The following GALNT13 variants were observed in gnomAD, a reference collection of about 807,000 sequenced individuals.
The protein encoded by GALNT13 is polypeptide N-acetylgalactosaminyltransferase 13.
GALNT13 carries 28 observed loss-of-function variants against 64.2 expected under a neutral mutation model. The observed-to-expected ratio is 0.44, with a 90% confidence interval of 0.32 to 0.60. GALNT13 has a LOEUF of 0.60. Among genes scored for constraint, GALNT13 ranks in the 20% least tolerant of loss-of-function variants. GALNT13 has a pLI of 0.05. For synonymous variants in GALNT13, 214 were observed against 224.6 expected, an observed-to-expected ratio of 0.95 and a Z score of 0.42; for missense variants, 577 against 669.8, an observed-to-expected ratio of 0.86 and a Z score of 1.53.
At chr2:154,320,422 CA>C (rs1426670205) in intron 9 of GALNT13, among the ~76,000 whole-genome samples, 6 of 152,060 alleles carry the variant, frequency 3.9e-5, no homozygotes, top group Non-Finnish European at 1.5e-5. Context: ...AGAAAGTAAG[CA>C]ATTAATTGAT....
chr2:154,262,481 TCTAC>T (rs1191124135), intron 8 of GALNT13, among the ~76,000 whole-genome samples: 2 of 152,192 alleles, frequency 1.3e-5, no homozygotes, highest in African/African-American at 4.8e-5. Flanking sequence ...ATCAGGTATA[TCTAC>T]CAGAGAACAG....
the GALNT13 span, among the ~76,000 whole-genome samples, chr2:153,309,807 C>T: frequency 6.6e-6 from 1 of 151,870 alleles, no homozygotes; most frequent in Non-Finnish European, 1.5e-5. Context: ...AAGCATATAC[C>T]TAGGTAAATA....
At chr2:154,147,652 A>T (rs1683696987) in intron 4 of GALNT13, among the ~76,000 whole-genome samples, 1 of 151,830 alleles carries the variant, frequency 6.6e-6, no homozygotes, top group African/African-American at 2.4e-5. Flanking sequence ...CCTGGCTACT[A>T]TTTTATTTAT....
At chr2:153,479,945 T>A in the GALNT13 span, among the ~76,000 whole-genome samples, 4 of 152,160 alleles carry the variant, frequency 2.6e-5, no homozygotes, top group Non-Finnish European at 5.9e-5. Flanking sequence ...CTCCCTGCCT[T>A]CCTCCCTCTT....
chr2:153,564,181 C>T, the GALNT13 span, among the ~76,000 whole-genome samples: 761 of 148,910 alleles, frequency 5.1e-3, 3 homozygotes, highest in African/African-American at 0.018. Context: ...TTGCAGATGT[C>T]CATGGATTTT....
At chr2:154,364,893 A>T (rs1445395429) in intron 9 of GALNT13, among the ~76,000 whole-genome samples, 1 of 151,662 alleles carries the variant, frequency 6.6e-6, no homozygotes. Context: ...CTGGTCTTGA[A>T]CTCCTGACCT....
At chr2:154,094,401 C>T (rs1340835224) in intron 3 of GALNT13, among the ~76,000 whole-genome samples, 1 of 151,888 alleles carries the variant, frequency 6.6e-6, no homozygotes, top group Non-Finnish European at 1.5e-5. Flanking sequence ...ACTCCAAACT[C>T]TTATGGTTAC....
chr2:153,207,407 C>A, the GALNT13 span, among the ~76,000 whole-genome samples: 3 of 152,068 alleles, frequency 2.0e-5, no homozygotes, highest in Admixed American at 6.6e-5. Context: ...GTTCTTTCAT[C>A]AGAATATGTA....
At chr2:153,492,058 A>C in the GALNT13 span, among the ~76,000 whole-genome samples, 9 of 152,256 alleles carry the variant, frequency 5.9e-5, no homozygotes, top group Non-Finnish European at 8.8e-5. Flanking sequence ...AAAATGGCAA[A>C]CTACACATAA....
At chr2:153,362,553 C>CAAAAAAAAAAAAAAAAAAA in the GALNT13 span, among the ~76,000 whole-genome samples, 4 of 80,320 alleles carry the variant, frequency 5.0e-5, 1 homozygote, top group Middle Eastern at 8.9e-3. Context: ...AAATGGAGAG[C>CAAAAAAAAAAAAAAAAAAA]AAAAAAAAAA....
At chr2:153,508,964 C>T in the GALNT13 span, among the ~76,000 whole-genome samples, 1 of 152,120 alleles carries the variant, frequency 6.6e-6, no homozygotes, top group South Asian at 2.1e-4. Flanking sequence ...TGGAGTCCTG[C>T]GAAGGTGAAA....
At chr2:153,401,307 C>T in the GALNT13 span, among the ~76,000 whole-genome samples, 1 of 151,714 alleles carries the variant, frequency 6.6e-6, no homozygotes, top group African/African-American at 2.4e-5. Flanking sequence ...GTTATAATTT[C>T]TGTTCTTTTA....
At chr2:153,453,887 T>C in the GALNT13 span, among the ~76,000 whole-genome samples, 2 of 152,158 alleles carry the variant, frequency 1.3e-5, no homozygotes, top group Admixed American at 6.5e-5. Flanking sequence ...CAACAGTGGA[T>C]TGGATGAAGA....
intron 9 of GALNT13, among the ~76,000 whole-genome samples, chr2:154,314,890 A>G (rs1378049862): frequency 6.6e-6 from 1 of 152,134 alleles, no homozygotes; most frequent in Non-Finnish European, 1.5e-5. Context: ...CTGGATTCCA[A>G]TGTTGAAACA....
At chr2:153,651,821 A>G in the GALNT13 span, among the ~76,000 whole-genome samples, 1 of 152,206 alleles carries the variant, frequency 6.6e-6, no homozygotes, top group African/African-American at 2.4e-5. Flanking sequence ...AAAATGTATC[A>G]GGTGATGATC....
At chr2:153,224,748 GA>G in the GALNT13 span, among the ~76,000 whole-genome samples, 3 of 152,136 alleles carry the variant, frequency 2.0e-5, no homozygotes, top group African/African-American at 7.2e-5. Context: ...TGATAACTTA[GA>G]TGAAATGAAG....
chr2:153,285,117 G>C, the GALNT13 span, among the ~76,000 whole-genome samples: 1 of 151,882 alleles, frequency 6.6e-6, no homozygotes, highest in African/African-American at 2.4e-5. Flanking sequence ...TTACGGCAGA[G>C]GCATCTCTTC....
the GALNT13 span, among the ~76,000 whole-genome samples, chr2:153,329,845 C>T: frequency 1.3e-5 from 2 of 152,144 alleles, no homozygotes; most frequent in Non-Finnish European, 2.9e-5. Context: ...TCATAAATTC[C>T]TTCCCAAGGT....
At chr2:153,699,229 C>T in the GALNT13 span, among the ~76,000 whole-genome samples, 1 of 152,070 alleles carries the variant, frequency 6.6e-6, no homozygotes, top group Non-Finnish European at 1.5e-5. Context: ...CAATCTGCAC[C>T]TGAATGACTC....
Sources: gnomAD v4.1 joint callset for allele counts (sites outside exome capture counted in the v4.1 genomes callset) on GRCh38, gnomAD v4.1.1 for gene constraint, MANE v1.5 for transcripts, NCBI Gene and HGNC (gene_info 2026-07-23, HGNC 2026-07-21) for gene names.